The following ETF1 variants were observed in gnomAD, a reference collection of about 807,000 sequenced individuals.
ETF1 encodes the protein eukaryotic translation termination factor 1.
In ETF1, 4 loss-of-function variants were observed where a neutral mutation model predicts 55.1. The ratio of observed to expected loss-of-function variants is 0.07; its 90% CI spans 0.04 to 0.17. The LOEUF is 0.17. Among genes scored for constraint, ETF1 ranks in the 10% least tolerant of loss-of-function variants. The pLI is 1.00. For synonymous variants in ETF1, 157 were observed against 182.3 expected, an observed-to-expected ratio of 0.86 and a Z score of 1.12; for missense variants, 142 against 523.6, an observed-to-expected ratio of 0.27 and a Z score of 7.11.
chr5:138,518,592 G>A (rs1008708931), intron 3 of ETF1, 100 bp downstream of exon 3: 22 of 992,728 alleles, frequency 2.2e-5, no homozygotes, highest in Non-Finnish European at 3.0e-5. Flanking sequence ...GATGACAGCC[G>A]ACTTAAGGGA....
At position 138,507,510 on chromosome 5, in the gene ETF1, C is replaced by A. The variant is rs921627952; in HGVS notation, c.*795G>T. On this transcript the variant is annotated 3_prime_UTR_variant, in exon 11 of 11. Coordinates refer to ENST00000360541, the MANE Select transcript of ETF1 (RefSeq NM_004730.4). ...GCACAGAAGCCCCATCATATCCATC[C>A]CAAACCGGTTTCGAGTAGGTTAAGG... 1 of 152,584 alleles carries A rather than the reference C, an allele frequency of 6.6e-6. No homozygotes were observed. Among genetic ancestry groups the A allele is most frequent in the African/African-American group, 2.4e-5 (1 of 41,412 alleles). 9.5% of individuals were successfully genotyped at this position (152,584 alleles called of 1,614,324 possible). A position where few individuals can be genotyped will look rare whatever the true frequency, so the allele number is the denominator to read the frequency against.
At chr5:138,530,757 G>A (rs754107712) in intron 2 of ETF1, among the ~76,000 whole-genome samples, 1 of 152,064 alleles carries the variant, frequency 6.6e-6, no homozygotes, top group African/African-American at 2.4e-5. Context: ...TAGAGGCAGG[G>A]TTTCACCATG....
At chr5:138,535,564 T>C (rs1011788602) in intron 2 of ETF1, among the ~76,000 whole-genome samples, 1 of 151,498 alleles carries the variant, frequency 6.6e-6, no homozygotes, top group African/African-American at 2.4e-5. Context: ...TACTAAAAAA[T>C]GCAAAAATTA....
At chr5:138,525,958 A>AG (rs1554138966) in intron 2 of ETF1, among the ~76,000 whole-genome samples, 2 of 151,466 alleles carry the variant, frequency 1.3e-5, no homozygotes, top group Non-Finnish European at 2.9e-5. Context: ...AAAAAAAAAA[A>AG]AAAGAAATGT....
At chr5:138,525,716 C>T (rs1026048251) in intron 2 of ETF1, among the ~76,000 whole-genome samples, 10 of 151,636 alleles carry the variant, frequency 6.6e-5, no homozygotes, top group African/African-American at 1.9e-4. Flanking sequence ...GAGGCCGAGG[C>T]GGGTGGATCA....
intron 2 of ETF1, among the ~76,000 whole-genome samples, chr5:138,537,590 T>G (rs1765990431): frequency 6.6e-6 from 1 of 152,142 alleles, no homozygotes; most frequent in African/African-American, 2.4e-5. Flanking sequence ...TTATTATTGT[T>G]ATTATTATTT....
chr5:138,524,083 G>A (rs1235233471), intron 2 of ETF1, among the ~76,000 whole-genome samples: 1 of 152,172 alleles, frequency 6.6e-6, no homozygotes, highest in Non-Finnish European at 1.5e-5. Context: ...CTACTCTGGA[G>A]GCTGAGGCAC....
At chr5:138,536,120 T>C (rs2127128629) in intron 2 of ETF1, among the ~76,000 whole-genome samples, 1 of 152,318 alleles carries the variant, frequency 6.6e-6, no homozygotes. Flanking sequence ...TAAAAGTGCA[T>C]TTCTGGCTTC....
chr5:138,511,846 A>G (rs1764797888), intron 6 of ETF1: 1 of 984,924 alleles, frequency 1.0e-6, no homozygotes, highest in Admixed American at 6.2e-5. Context: ...AGTGCAAACA[A>G]AAATAAGTTA....
chr5:138,533,874 T>G (rs1295307518), intron 2 of ETF1, among the ~76,000 whole-genome samples: 1 of 152,140 alleles, frequency 6.6e-6, no homozygotes, highest in East Asian at 1.9e-4. Context: ...TCATTTTAAT[T>G]TTGTTGATCC....
intron 2 of ETF1, among the ~76,000 whole-genome samples, chr5:138,524,912 CTTTT>C (rs763839038): frequency 6.4e-4 from 96 of 150,214 alleles, no homozygotes; most frequent in Non-Finnish European, 1.2e-3. Context: ...CTTCCTTTCC[CTTTT>C]TTTTTCTTTT....
chr5:138,537,934 C>T (rs1236397565), intron 2 of ETF1, among the ~76,000 whole-genome samples: 1 of 133,884 alleles, frequency 7.5e-6, no homozygotes, highest in African/African-American at 3.1e-5. Context: ...CTCTTGTTGC[C>T]CAGGCTGGAG....
In ETF1 at chr5:138,542,903, T is replaced by G; in HGVS notation, c.16A>C (p.Ser6Arg). The G allele has an allele frequency of 6.2e-7, 1 of 1,613,682 alleles. No homozygotes were observed. The change falls in exon 2 of 11, where the codon AGT becomes CGT. Residue 6 changes from serine to arginine, a missense_variant. Transcript: ENST00000360541. Reference protein sequence around the residue: MADDPSAADRNVEIWK... With the variant: MADDPRAADRNVEIWK... ...ATCTCCACGTTCCTGTCGGCAGCAC[T>G]GGGGTCGTCCGCCATCTTCTCGCCT... is the stretch of plus-strand genomic sequence containing the variant.
Position 138,532,580 on chromosome 5 carries a change from G to A in ETF1, c.86+10253C>T, listed in dbSNP as rs898715666. On this transcript the variant is annotated intron_variant, in intron 2 of 10. Transcript: ENST00000360541. ...GCACAGCCCAACTAGAAATGGGGAG[G>A]GGAGAGAGGTAATATCAGATGGGGT... Among the ~76,000 whole-genome samples the A allele has an allele frequency of 5.3e-5, 8 of 152,210 alleles. No homozygotes were observed. The East Asian group carries it at 1.5e-3, about 29-fold the overall frequency.
intron 2 of ETF1, chr5:138,541,491 T>C: frequency 6.8e-7 from 1 of 1,474,586 alleles, no homozygotes; most frequent in Non-Finnish European, 9.2e-7. Context: ...CCCTAATTTA[T>C]TAAGAACAAA....
chr5:138,517,716 A>G lies in ETF1; in HGVS notation c.263-16T>C. 7.0e-7 allele frequency: 1 copy of G among 1,438,294 alleles called. No homozygotes were observed. Among genetic ancestry groups the G allele is most frequent in the South Asian group, 1.5e-5 (1 of 64,664 alleles). 89.1% of individuals were successfully genotyped at this position (1,438,294 alleles called of 1,614,324 possible). A position where few individuals can be genotyped will look rare whatever the true frequency, so the allele number is the denominator to read the frequency against. On this transcript the variant is annotated splice_polypyrimidine_tract_variant and intron_variant, in intron 3 of 10. Transcript: ENST00000360541. ...TTTGGAGGTACTGCAAAGAACACAA[A>G]CAATTTTTCTACTTTACCCCATATC...
chr5:138,538,391 T>A (rs898551133), intron 2 of ETF1, among the ~76,000 whole-genome samples: 6 of 152,120 alleles, frequency 3.9e-5, no homozygotes, highest in African/African-American at 1.4e-4. Flanking sequence ...GGTTTCACCA[T>A]GTTGGCTAGG....
At position 138,522,862 on chromosome 5, in the gene ETF1, C is replaced by T. The variant is rs552373548; in HGVS notation, c.87-3995G>A. ...TCTACTAAAAATACAAAAAATTAGC[C>T]GGGCGCAGTGGCAGGCGCCTGTAGT... On this transcript the variant is annotated intron_variant, in intron 2 of 10. Transcript: ENST00000360541. Among the ~76,000 whole-genome samples the T allele has an allele frequency of 2.3e-3, 350 of 151,932 alleles. 2 individuals are homozygous for T. Among genetic ancestry groups the T allele is most frequent in the African/African-American group, 8.3e-3 (342 of 41,450 alleles).
intron 9 of ETF1, chr5:138,509,178 G>C: frequency 1.0e-6 from 1 of 985,310 alleles, no homozygotes; most frequent in Non-Finnish European, 1.2e-6. Context: ...GACTGCTTTT[G>C]GGAGTGGCCT....
Sources: gnomAD v4.1 joint callset for allele counts (sites outside exome capture counted in the v4.1 genomes callset) on GRCh38, gnomAD v4.1.1 for gene constraint, MANE v1.5 for transcripts, NCBI Gene and HGNC (gene_info 2026-07-23, HGNC 2026-07-21) for gene names.